Variants in SPMIP4 observed in about 807,000 individuals in gnomAD.
SPMIP4 encodes the protein sperm-associated microtubule inner protein 4.
chr7:25,165,302 T>C, the SPMIP4 span, among the ~76,000 whole-genome samples: 8 of 152,134 alleles, frequency 5.3e-5, no homozygotes, highest in Non-Finnish European at 1.5e-5. Flanking sequence ...TTAACTTTAT[T>C]AGAGAGCATA....
chr7:25,178,495 T>A, the SPMIP4 span, among the ~76,000 whole-genome samples: 3 of 152,196 alleles, frequency 2.0e-5, no homozygotes, highest in Non-Finnish European at 2.9e-5. Context: ...AAGCAGCAAA[T>A]TCTGGGAGTA....
At chr7:25,141,398 C>T in the SPMIP4 span, among the ~76,000 whole-genome samples, 37 of 151,794 alleles carry the variant, frequency 2.4e-4, no homozygotes, top group Non-Finnish European at 4.6e-4. Flanking sequence ...ATGGTGAAAC[C>T]CCGTCTCTAC....
the SPMIP4 span, among the ~76,000 whole-genome samples, chr7:25,148,051 T>G: frequency 1.3e-5 from 2 of 152,150 alleles, no homozygotes; most frequent in East Asian, 3.9e-4. Context: ...GCTTATCAGG[T>G]TAGTAGTGTC....
chr7:25,168,344 G>T, the SPMIP4 span: 2 of 1,612,560 alleles, frequency 1.2e-6, no homozygotes, highest in East Asian at 4.5e-5. Flanking sequence ...CCCATGACAC[G>T]AGGAGGCTCA....
At chr7:25,126,735 TTATAA>T in the SPMIP4 span, among the ~76,000 whole-genome samples, 2 of 152,240 alleles carry the variant, frequency 1.3e-5, no homozygotes, top group African/African-American at 4.8e-5. Context: ...AATTACAGTA[TTATAA>T]TATTGTGTGT....
At chr7:25,158,862 A>AT in the SPMIP4 span, among the ~76,000 whole-genome samples, 1 of 149,552 alleles carries the variant, frequency 6.7e-6, no homozygotes, top group East Asian at 2.1e-4. Flanking sequence ...CTCAAAAAAA[A>AT]AAAAAATAAT....
chr7:25,171,511 A>T, the SPMIP4 span, among the ~76,000 whole-genome samples: 1 of 152,220 alleles, frequency 6.6e-6, no homozygotes, highest in South Asian at 2.1e-4. Flanking sequence ...AATGACTTTC[A>T]GTTTCCAGTA....
the SPMIP4 span, chr7:25,180,353 C>T: frequency 6.6e-6 from 1 of 152,532 alleles, no homozygotes; most frequent in Non-Finnish European, 1.5e-5. Context: ...GAGAGGGGCT[C>T]TTCCGCCTTG....
the SPMIP4 span, among the ~76,000 whole-genome samples, chr7:25,132,815 G>A: frequency 6.6e-6 from 1 of 152,182 alleles, no homozygotes; most frequent in Non-Finnish European, 1.5e-5. This position sits in a 1 kb window ranked among gnomAD's most constrained non-coding sequence, Gnocchi z 5.0. Context: ...TAGTAAACGA[G>A]TATGTTTTAT....
the SPMIP4 span, among the ~76,000 whole-genome samples, chr7:25,162,883 C>G: frequency 6.6e-6 from 1 of 151,990 alleles, no homozygotes; most frequent in Non-Finnish European, 1.5e-5. Flanking sequence ...ATGATTCTCC[C>G]GCCTCAGCCT....
the SPMIP4 span, among the ~76,000 whole-genome samples, chr7:25,178,464 A>T: frequency 6.6e-6 from 1 of 152,368 alleles, no homozygotes; most frequent in East Asian, 1.9e-4. Context: ...AATTTGGTGA[A>T]GCAAAAATTT....
chr7:25,177,793 A>C, the SPMIP4 span, among the ~76,000 whole-genome samples: 14 of 152,210 alleles, frequency 9.2e-5, no homozygotes, highest in Non-Finnish European at 1.6e-4. Context: ...AATTATTTTC[A>C]TTGTAATTTT....
At chr7:25,137,304 T>TC in the SPMIP4 span, among the ~76,000 whole-genome samples, 686 of 134,836 alleles carry the variant, frequency 5.1e-3, 4 homozygotes, top group Middle Eastern at 0.044. Flanking sequence ...GAATTTTCTT[T>TC]TTTTTTTTTT....
chr7:25,148,305 C>G, the SPMIP4 span, among the ~76,000 whole-genome samples: 90,811 of 151,340 alleles, frequency 0.6, 28,307 homozygotes, highest in Non-Finnish European at 0.69. Context: ...CTGGTGTGGT[C>G]GTGCACAGCT....
the SPMIP4 span, among the ~76,000 whole-genome samples, chr7:25,146,254 G>A: frequency 6.6e-6 from 1 of 152,172 alleles, no homozygotes; most frequent in Non-Finnish European, 1.5e-5. Flanking sequence ...GAAGGGAGAA[G>A]AGGACGCCTG....
At chr7:25,168,861 C>T in the SPMIP4 span, among the ~76,000 whole-genome samples, 2 of 151,034 alleles carry the variant, frequency 1.3e-5, no homozygotes, top group African/African-American at 4.9e-5. Flanking sequence ...GAGTAGCTGA[C>T]ATTACAGGGG....
the SPMIP4 span, among the ~76,000 whole-genome samples, chr7:25,152,285 G>C: frequency 6.6e-6 from 1 of 152,246 alleles, no homozygotes; most frequent in Non-Finnish European, 1.5e-5. Flanking sequence ...GTATTGAAAG[G>C]GAACATCTTA....
chr7:25,178,922 TC>T, the SPMIP4 span, among the ~76,000 whole-genome samples: 1 of 151,984 alleles, frequency 6.6e-6, no homozygotes, highest in Non-Finnish European at 1.5e-5. Context: ...ATGCCTGTAA[TC>T]CCAGCTACTC....
At chr7:25,142,723 G>C in the SPMIP4 span, 28 of 1,610,402 alleles carry the variant, frequency 1.7e-5, no homozygotes, top group Non-Finnish European at 2.3e-5. Flanking sequence ...AGAGCAAATA[G>C]GGTCCCATGA....
Sources: gnomAD v4.1 joint callset for allele counts (sites outside exome capture counted in the v4.1 genomes callset) on GRCh38, gnomAD v4.1.1 for gene constraint, Gnocchi (gnomAD v3.1) non-coding constraint, MANE v1.5 for transcripts, NCBI Gene and HGNC (gene_info 2026-07-23, HGNC 2026-07-21) for gene names.